The following RNF17 variants were observed in gnomAD, a reference collection of about 807,000 sequenced individuals.
RNF17 encodes the protein spermatogenesis associated 23.
A neutral mutation model predicts 200.5 loss-of-function variants in RNF17; 31 were observed. The observed-to-expected ratio is 0.15, with a 90% CI of 0.12 to 0.21. The LOEUF (loss-of-function observed/expected upper bound fraction) is 0.21. RNF17 is among the 10% of genes least tolerant of loss of function. RNF17 has a pLI of 1.00. For missense variants in RNF17, 1,628 were observed against 1,905.1 expected (o/e 0.85, Z 2.71); for synonymous variants, 606 against 637.8 (o/e 0.95, Z 0.75).
upstream of RNF17, among the ~76,000 whole-genome samples, chr13:24,761,425 A>G (rs1275614162): frequency 1.3e-5 from 2 of 152,220 alleles, no homozygotes; most frequent in African/African-American, 4.8e-5. Context: ...ATAGTTCTAC[A>G]TTCTTTCTCT....
At chr13:24,765,436 T>G (rs77655663) in intron 1 of RNF17, among the ~76,000 whole-genome samples, 1 of 152,214 alleles carries the variant, frequency 6.6e-6, no homozygotes, top group Non-Finnish European at 1.5e-5. Flanking sequence ...TGTTTAATGT[T>G]TATACTTTCA....
the RNF17 span, chr13:24,886,363 C>T: frequency 3.9e-6 from 5 of 1,289,164 alleles, no homozygotes; most frequent in South Asian, 2.5e-5. Context: ...AGCTGCTGGG[C>T]GTGTGAGGCG....
chr13:24,884,455 C>A (rs777321606), downstream of RNF17: 9 of 1,613,944 alleles, frequency 5.6e-6, no homozygotes, highest in Admixed American at 1.7e-5. Context: ...TCTTATAAAC[C>A]TTTTCCACCT....
intron 24 of RNF17, among the ~76,000 whole-genome samples, chr13:24,851,949 C>T (rs1475202194): frequency 6.6e-6 from 1 of 151,676 alleles, no homozygotes; most frequent in East Asian, 1.9e-4. Context: ...AGGTATATAC[C>T]TACTAGATGT....
intron 15 of RNF17, among the ~76,000 whole-genome samples, chr13:24,817,451 G>T (rs1374949341): frequency 6.6e-6 from 1 of 152,098 alleles, no homozygotes; most frequent in African/African-American, 2.4e-5. Context: ...GGGCATGGTG[G>T]CTCACACCTG....
In RNF17 at chr13:24,775,176, C is replaced by T. The variant is rs930805410; in HGVS notation, c.317+272C>T. ...TGAGAGTACACTGGCTAAAGTTACT[C>T]GTGCTGGATGGAAGGAAGTTATAGA... On this transcript the variant is annotated intron_variant, in intron 3 of 35. Coordinates refer to ENST00000255324, the MANE Select transcript of RNF17 (RefSeq NM_031277.3). Among the ~76,000 whole-genome samples the T allele has an allele frequency of 3.3e-5, 5 of 152,164 alleles. No homozygotes were observed. In the East Asian group the frequency reaches 5.8e-4, roughly 18 times the overall value.
chr13:24,870,712 C>T lies in RNF17; in HGVS notation c.4420C>T (p.Leu1474Phe). 1 of 1,614,050 alleles carries T rather than the reference C, an allele frequency of 6.2e-7. No individual in the cohort carries two copies. Residue 1474 changes from leucine to phenylalanine, a missense_variant, in exon 32 of 36, where the codon CTT becomes TTT. This residue lies in a region of RNF17 where 609 missense variants were observed against 681.9 expected (regional missense o/e 0.89). Coordinates refer to ENST00000255324, the MANE Select transcript of RNF17 (RefSeq NM_031277.3). ...GAGGGTTAATAAGAAGGTAGAGGCGCTTCCTCCTCTGACGGATTTTAGAAC... is the reference window on the plus strand; with the variant it reads ...GAGGGTTAATAAGAAGGTAGAGGCGTTTCCTCCTCTGACGGATTTTAGAAC... ...LQRVNKKVEALPPLTDFRTEM... is the reference protein window; with the variant it reads ...LQRVNKKVEAFPPLTDFRTEM...
At chr13:24,808,324 A>G (rs1886151334) in intron 15 of RNF17, among the ~76,000 whole-genome samples, 1 of 151,744 alleles carries the variant, frequency 6.6e-6, no homozygotes, top group Non-Finnish European at 1.5e-5. Context: ...TATTTCCTTG[A>G]GCAGTGGTTT....
chr13:24,842,678 G>A (rs1481842519), intron 19 of RNF17, among the ~76,000 whole-genome samples: 1 of 152,100 alleles, frequency 6.6e-6, no homozygotes. Context: ...AGGACAGGTG[G>A]GAGGGTTTTG....
At chr13:24,775,739 T>A (rs1881475073) in intron 3 of RNF17, among the ~76,000 whole-genome samples, 1 of 152,240 alleles carries the variant, frequency 6.6e-6, no homozygotes, top group South Asian at 2.1e-4. Context: ...AATATCTTTT[T>A]AAATACACCC....
intron 22 of RNF17, among the ~76,000 whole-genome samples, chr13:24,846,785 G>C (rs1891302458): frequency 6.6e-6 from 1 of 152,198 alleles, no homozygotes; most frequent in South Asian, 2.1e-4. Context: ...CCTGGGCCGT[G>C]TGCAGGTTGG....
At chr13:24,886,411 C>G in the RNF17 span, 2 of 1,254,414 alleles carry the variant, frequency 1.6e-6, no homozygotes, top group South Asian at 1.2e-5. Flanking sequence ...GGTTCCATTA[C>G]ACCATGGGAA....
At chr13:24,773,362 C>T in intron 2 of RNF17, among the ~76,000 whole-genome samples, 1 of 152,194 alleles carries the variant, frequency 6.6e-6, no homozygotes, top group Admixed American at 6.5e-5. Context: ...CCACAGAATA[C>T]TATGCAGCCA....
rs770340433 is a variant in RNF17, at chr13:24,851,443, T to C, written c.3205-13T>C. 2 of 1,576,518 alleles carry C rather than the reference T, an allele frequency of 1.3e-6. No homozygotes were observed. Among genetic ancestry groups the C allele is most frequent in the Non-Finnish European group, 1.7e-6 (2 of 1,148,956 alleles). ...TGGTGTTTCATATTTACTCTGCTCT[T>C]AAATCACTACAGGAAAACAACACAA... is the stretch of plus-strand genomic sequence containing the variant. On this transcript the variant is annotated splice_polypyrimidine_tract_variant and intron_variant, in intron 23 of 35. Coordinates refer to ENST00000255324, the MANE Select transcript of RNF17 (RefSeq NM_031277.3).
intron 15 of RNF17, among the ~76,000 whole-genome samples, chr13:24,805,694 C>G (rs1885760645): frequency 6.6e-6 from 1 of 152,174 alleles, no homozygotes. Context: ...TCTCTGCTTT[C>G]AGTTCCTCTG....
In RNF17 at chr13:24,789,374, A is replaced by G. The variant is rs780276856; in HGVS notation, c.810A>G (p.Ser270=). The G allele has an allele frequency of 1.2e-6, 2 of 1,604,336 alleles. No individual in the cohort carries two copies. The highest frequency in any genetic ancestry group is 1.7e-6 in the Non-Finnish European group (2 of 1,172,898). The change falls in exon 8 of 36, where the codon TCA becomes TCG. Residue 270 remains serine (S), a synonymous_variant. Transcript: ENST00000255324. ...NQIIRTLQLT[S]DSELAQVSSP... is the part of the protein sequence containing the mutation. ...TTATCCGGACTTTGCAGTTAACTTC[A>G]GATAGTGAATTAGCACAAGTTAGTT...
chr13:24,867,225 G>A (rs1893727394), intron 30 of RNF17, among the ~76,000 whole-genome samples: 2 of 152,044 alleles, frequency 1.3e-5, no homozygotes, highest in South Asian at 2.1e-4. Flanking sequence ...AGAGTGTCTC[G>A]CTATATTGCC....
chr13:24,884,141 A>C (rs377035557), downstream of RNF17: 1 of 1,569,886 alleles, frequency 6.4e-7, no homozygotes, highest in Non-Finnish European at 8.8e-7. Context: ...ATTTAATGAG[A>C]GGGTGGAGCA....
chr13:24,846,720 C>T (rs1891295312), intron 22 of RNF17, among the ~76,000 whole-genome samples: 1 of 152,154 alleles, frequency 6.6e-6, no homozygotes, highest in Admixed American at 6.5e-5. Context: ...TGAAAAAAAT[C>T]TCATAATGTT....
Sources: allele counts gnomAD v4.1 joint callset (sites outside exome capture counted in the v4.1 genomes callset), GRCh38; gene constraint gnomAD v4.1.1; regional missense constraint gnomAD v4.1.1; transcripts MANE v1.5; gene names NCBI Gene and HGNC (gene_info 2026-07-23, HGNC 2026-07-21).